WWOX: variants seen among roughly 807,000 people sequenced by gnomAD.
The protein encoded by WWOX is WW domain-containing oxidoreductase.
Under a neutral mutation model 46.2 loss-of-function variants are expected in WWOX, and 69 were observed. The observed-to-expected ratio is 1.49, with a 90% confidence interval of 1.23 to 1.82. WWOX has a LOEUF of 1.82. Ranked by LOEUF, WWOX falls within the 40% of genes most tolerant of loss-of-function variation. The pLI, the probability that WWOX is intolerant of heterozygous loss-of-function variation, is 0.00. For missense variants in WWOX, 919 were observed against 542.6 expected (o/e 1.69, Z -6.89); for synonymous variants, 359 against 202.6 (o/e 1.77, Z -6.56).
At chr16:79,013,212 A>G (rs1265744245) in intron 8 of WWOX, among the ~76,000 whole-genome samples, 1 of 152,184 alleles carries the variant, frequency 6.6e-6, no homozygotes, top group Non-Finnish European at 1.5e-5. Flanking sequence ...CTGTGCAGGA[A>G]GAGGCCTTCC....
chr16:78,109,632 A>G, intron 2 of WWOX, 146 bp from the exon 3 acceptor site: 1 of 748,396 alleles, frequency 1.3e-6, no homozygotes, highest in Non-Finnish European at 2.3e-6. Flanking sequence ...CAGTTGGAAC[A>G]TGTGACGAAA....
chr16:78,961,222 G>C (rs549519092), intron 8 of WWOX, among the ~76,000 whole-genome samples: 2 of 152,136 alleles, frequency 1.3e-5, no homozygotes, highest in African/African-American at 2.4e-5. Context: ...GGTCTATGCA[G>C]ATTAACGAGG....
chr16:78,178,580 A>G (rs535576053), intron 5 of WWOX, among the ~76,000 whole-genome samples: 2 of 152,278 alleles, frequency 1.3e-5, no homozygotes, highest in African/African-American at 4.8e-5. Context: ...AAAAATAGAT[A>G]GCAGGCCAGG....
chr16:78,298,423 C>G (rs766089864), intron 5 of WWOX, among the ~76,000 whole-genome samples: 3 of 152,152 alleles, frequency 2.0e-5, no homozygotes, highest in Non-Finnish European at 4.4e-5. Context: ...CTCTGCCCCT[C>G]AATGCCTGTG....
At chr16:78,333,454 C>T (rs2080810779) in intron 5 of WWOX, among the ~76,000 whole-genome samples, 1 of 152,058 alleles carries the variant, frequency 6.6e-6, no homozygotes, top group African/African-American at 2.4e-5. Flanking sequence ...TGAGTGTAAT[C>T]TGTTCTGATG....
intron 8 of WWOX, among the ~76,000 whole-genome samples, chr16:78,451,302 T>C (rs1221967843): frequency 6.6e-6 from 1 of 152,248 alleles, no homozygotes; most frequent in African/African-American, 2.4e-5. Flanking sequence ...TGATTTTCAC[T>C]GAATGAGTAT....
intron 6 of WWOX, among the ~76,000 whole-genome samples, chr16:78,414,819 A>C (rs527919381): frequency 2.0e-5 from 3 of 152,160 alleles, no homozygotes; most frequent in Non-Finnish European, 2.9e-5. Flanking sequence ...ATTTCTCCCA[A>C]AGTTAGCTTG....
At chr16:78,230,915 A>T (rs1010344285) in intron 5 of WWOX, among the ~76,000 whole-genome samples, 5 of 152,222 alleles carry the variant, frequency 3.3e-5, no homozygotes, top group Admixed American at 2.6e-4. Context: ...GAGGAGGTTC[A>T]GTATTCTTAA....
chr16:78,942,472 C>T (rs79065079), intron 8 of WWOX, among the ~76,000 whole-genome samples: 5,437 of 152,136 alleles, frequency 0.036, 306 homozygotes, highest in East Asian at 0.18. Flanking sequence ...CCCAAATAAT[C>T]ATAAGAAGAA....
intron 8 of WWOX, among the ~76,000 whole-genome samples, chr16:79,115,960 A>T (rs977354654): frequency 6.6e-6 from 1 of 152,188 alleles, no homozygotes; most frequent in Non-Finnish European, 1.5e-5. Flanking sequence ...CAATAAAGCA[A>T]ATATCTCAAT....
intron 8 of WWOX, chr16:78,897,680 A>G (rs2044734276): frequency 6.6e-6 from 1 of 152,070 alleles, no homozygotes. Flanking sequence ...GTTTTTATGT[A>G]TTTTTGATAA....
chr16:78,388,438 G>GA (rs2082105055), intron 6 of WWOX, among the ~76,000 whole-genome samples: 1 of 151,966 alleles, frequency 6.6e-6, no homozygotes, highest in African/African-American at 2.4e-5. Context: ...ATGAGGTCAA[G>GA]AGATCAAGAC....
chr16:78,773,714 T>C (rs1331343996), intron 8 of WWOX, among the ~76,000 whole-genome samples: 1 of 152,076 alleles, frequency 6.6e-6, no homozygotes, highest in Non-Finnish European at 1.5e-5. Context: ...TCTGAACAAA[T>C]AACCCAAAAT....
chr16:78,742,193 C>T (rs538850428), intron 8 of WWOX, among the ~76,000 whole-genome samples: 1 of 152,178 alleles, frequency 6.6e-6, no homozygotes, highest in Non-Finnish European at 1.5e-5. Context: ...GTCGATAAAT[C>T]AGTGTACAAA....
At chr16:78,991,538 C>A (rs928226493) in intron 8 of WWOX, among the ~76,000 whole-genome samples, 1 of 141,862 alleles carries the variant, frequency 7.0e-6, no homozygotes, top group African/African-American at 2.6e-5. Context: ...GAATTTGAGG[C>A]TATAGTGAGC....
intron 5 of WWOX, among the ~76,000 whole-genome samples, chr16:78,298,277 T>A (rs12596093): frequency 1.3e-5 from 2 of 151,920 alleles, no homozygotes; most frequent in African/African-American, 4.8e-5. Context: ...CTGGGCCATC[T>A]TTCTTAGGCA....
At chr16:78,315,973 C>A (rs975072798) in intron 5 of WWOX, among the ~76,000 whole-genome samples, 25 of 151,448 alleles carry the variant, frequency 1.7e-4, no homozygotes, top group African/African-American at 5.8e-4. Flanking sequence ...AGGCCAGTTG[C>A]GGTCACTCAA....
intron 8 of WWOX, among the ~76,000 whole-genome samples, chr16:78,681,534 T>G (rs2047728985): frequency 7.1e-6 from 1 of 139,868 alleles, no homozygotes; most frequent in African/African-American, 2.8e-5. Flanking sequence ...CACCCAAGAT[T>G]TCCTCCATAT....
intron 1 of WWOX, among the ~76,000 whole-genome samples, chr16:78,100,953 G>A (rs781507985): frequency 1.4e-4 from 22 of 152,076 alleles, no homozygotes; most frequent in African/African-American, 5.3e-4. Context: ...AATATCACCT[G>A]GTTTTGAGAA....
Sources: gnomAD v4.1 joint callset for allele counts (sites outside exome capture counted in the v4.1 genomes callset) on GRCh38, gnomAD v4.1.1 for gene constraint, MANE v1.5 for transcripts, NCBI Gene and HGNC (gene_info 2026-07-23, HGNC 2026-07-21) for gene names.